Variants in LYST observed in about 807,000 individuals in gnomAD.
LYST encodes the protein lysosomal trafficking regulator.
In LYST, 192 loss-of-function variants were observed where a neutral mutation model predicts 413.6. The ratio of observed to expected loss-of-function variants is 0.46; its 90% CI spans 0.41 to 0.52. The LOEUF (loss-of-function observed/expected upper bound fraction) is 0.52. LYST is among the 20% of genes least tolerant of loss of function. The pLI is 0.00. For synonymous variants in LYST, 1,525 were observed against 1,567.3 expected, an observed-to-expected ratio of 0.97 and a Z score of 0.64; for missense variants, 3,815 against 4,499.9, an observed-to-expected ratio of 0.85 and a Z score of 4.35.
In LYST at chr1:235,741,521, C is replaced by A. The variant is rs116017878; in HGVS notation, c.8259G>T (p.Ser2753=). The A allele has an allele frequency of 3.1e-6, 5 of 1,613,864 alleles. No homozygotes were observed. The East Asian group carries it at 6.7e-5, about 22-fold the overall frequency. The part of the protein sequence containing the change: ...QLGRLLVHIL[S]PAHAAQERKQ... ...TTCTCTCTTGTGCAGCGTGGGCTGGCGACAAAATATGCACTAGTAGTCTCC... is the reference window on the plus strand; with the variant it reads ...TTCTCTCTTGTGCAGCGTGGGCTGGAGACAAAATATGCACTAGTAGTCTCC... The change falls in exon 31 of 53, where the codon TCG becomes TCT. Residue 2753 remains serine, a synonymous_variant. Transcript: ENST00000389793.
intron 3 of LYST, chr1:235,829,270 A>G (rs1403284219): frequency 6.6e-6 from 1 of 152,208 alleles, no homozygotes; most frequent in Non-Finnish European, 1.5e-5. Context: ...CCTAATTTGT[A>G]TTTGCTATGT....
rs148101450 is a variant in LYST at position 235,695,629 on chromosome 1, A to ATTTTTTTTTTT, written c.10564+1443_10564+1453dup. ...CAGAGAGAAACTTTACAGTACTCTA[A>ATTTTTTTTTTT]TTTTTTTTTTTTTTTTTTTTTGAGA... is the stretch of plus-strand genomic sequence containing the variant. On this transcript the variant is annotated intron_variant, in intron 46 of 52. Transcript: ENST00000389793. 2.0e-3 allele frequency among the ~76,000 whole-genome samples: 237 copies of ATTTTTTTTTTT among 116,370 alleles called. 1 individual carries two copies. The highest frequency in any genetic ancestry group is 7.9e-3 in the African/African-American group (233 of 29,496). 76.3% of individuals were successfully genotyped at this position (116,370 alleles called of 152,430 possible).
At chr1:235,765,970 A>T in intron 21 of LYST, 109 bp downstream of exon 21, 1 of 875,568 alleles carries the variant, frequency 1.1e-6, no homozygotes, top group Non-Finnish European at 2.0e-6. Context: ...CCCAATATGT[A>T]ATTAGAGCAG....
rs543018847 is a variant in LYST at position 235,738,866 on chromosome 1, T to C, written c.8358+2556A>G. On this transcript the variant is annotated intron_variant, in intron 31 of 52. Coordinates refer to ENST00000389793, the MANE Select transcript of LYST (RefSeq NM_000081.4). Reference sequence around the variant, plus strand: ...AGGATGATGTCTTCCTTAGCATTCCTTGCATCTTGGGAGAGAATGGAATCT... The same window carrying C: ...AGGATGATGTCTTCCTTAGCATTCCCTGCATCTTGGGAGAGAATGGAATCT... The C allele has an allele frequency of 4.0e-6, 3 of 758,914 alleles. No individual in the cohort carries two copies. In the East Asian group the frequency reaches 7.4e-5, roughly 19 times the overall value. The allele number at this position is 758,914 out of a possible 1,614,324, so 47.0% of individuals were successfully genotyped here.
rs757194359 is a variant in LYST, at chr1:235,664,616, C to T, written c.11044G>A (p.Gly3682Arg). The change falls in exon 51 of 53, where the codon GGA becomes AGA. Residue 3682 changes from glycine to arginine, a missense_variant. Coordinates refer to ENST00000389793, the MANE Select transcript of LYST (RefSeq NM_000081.4). This position sits in a 1 kb window ranked among gnomAD's most constrained non-coding sequence, Gnocchi z 4.5. ...GTCCAGAGTCTGAGGTCACTGCCTC[C>T]GCCAGCTAAAACACCCAAATCATCC... ...DIATVCDSAGGGSDLRLWTVN... is the reference protein window; with the variant it reads ...DIATVCDSAGRGSDLRLWTVN... 1.1e-5 allele frequency: 18 copies of T among 1,613,976 alleles called. No homozygotes were observed. Among genetic ancestry groups the T allele is most frequent in the East Asian group, 2.2e-5 (1 of 44,894 alleles).
chr1:235,812,586 A>G (rs953270003), intron 4 of LYST, among the ~76,000 whole-genome samples: 1 of 152,162 alleles, frequency 6.6e-6, no homozygotes, highest in African/African-American at 2.4e-5. Flanking sequence ...AGTCACTTAT[A>G]GAATACTGGT....
chr1:235,784,638 T>A (rs1453922286), intron 14 of LYST, among the ~76,000 whole-genome samples: 2 of 152,192 alleles, frequency 1.3e-5, no homozygotes, highest in Admixed American at 6.5e-5. Context: ...AAAATTGGGA[T>A]AATAATATAC....
rs779652586 is a variant in LYST, at chr1:235,734,677, AT to A, written c.8359-19del. 40 of 1,545,160 alleles carry A rather than the reference AT, an allele frequency of 2.6e-5. No homozygotes were observed. In the Admixed American group the frequency reaches 6.7e-4, roughly 26 times the overall value. ...GCTCCATGCTTTAAAAAAAGTAATA[AT>A]TTTTTAGTCATTTAGAATTTTAATT... On this transcript the variant is annotated intron_variant, in intron 31 of 52. Transcript: ENST00000389793.
Position 235,762,607 on chromosome 1 carries a change from T to C in LYST, c.6253+113A>G, listed in dbSNP as rs562985846. On this transcript the variant is annotated intron_variant, in intron 22 of 52. Coordinates refer to ENST00000389793, the MANE Select transcript of LYST (RefSeq NM_000081.4). ...GAGGACCTGTGCTGGGTGTCTCTTG[T>C]TAGATTGAATGAGGTTGTACTACAT... 1.4e-5 allele frequency: 15 copies of C among 1,072,310 alleles called. 1 individual carries two copies. In the South Asian group the frequency reaches 2.0e-4, roughly 14 times the overall value. 66.4% of individuals were successfully genotyped at this position (1,072,310 alleles called of 1,614,324 possible). A position where few individuals can be genotyped will look rare whatever the true frequency, so the allele number is the denominator to read the frequency against.
intron 3 of LYST, among the ~76,000 whole-genome samples, chr1:235,816,215 G>A (rs1674060248): frequency 6.8e-6 from 1 of 147,926 alleles, no homozygotes; most frequent in African/African-American, 2.5e-5. Context: ...GCCAAGGCAG[G>A]TAGATCACAA....
chr1:235,701,248 A>G (rs1661521200), intron 45 of LYST, among the ~76,000 whole-genome samples: 1 of 152,234 alleles, frequency 6.6e-6, no homozygotes, highest in South Asian at 2.1e-4. Context: ...TACAACTTTA[A>G]CAGCTAACGA....
chr1:235,834,420 A>G (rs989609061), intron 1 of LYST, among the ~76,000 whole-genome samples: 8 of 152,112 alleles, frequency 5.3e-5, no homozygotes, highest in African/African-American at 1.9e-4. Flanking sequence ...TTAAAAAAAA[A>G]TGAGATGGGG....
At chr1:235,858,534 T>C (rs577050316) in intron 1 of LYST, among the ~76,000 whole-genome samples, 4 of 152,358 alleles carry the variant, frequency 2.6e-5, no homozygotes, top group African/African-American at 7.2e-5. Context: ...AATTTTTCCA[T>C]CTCTAGTACT....
intron 3 of LYST, chr1:235,829,973 A>G (rs1353264082): frequency 1.1e-5 from 4 of 353,454 alleles, no homozygotes; most frequent in African/African-American, 8.5e-5. Context: ...CACTGATATT[A>G]CGATAAAAAG....
chr1:235,687,124 G>T, intron 47 of LYST, 77 bp from the exon 48 acceptor site: 3 of 1,027,228 alleles, frequency 2.9e-6, no homozygotes, highest in Admixed American at 4.0e-5. Context: ...TAAAATAAAA[G>T]AATGAAAAAT....
intron 47 of LYST, among the ~76,000 whole-genome samples, chr1:235,691,947 C>A (rs1339692526): frequency 6.6e-6 from 1 of 151,284 alleles, no homozygotes; most frequent in Non-Finnish European, 1.5e-5. Flanking sequence ...ATCCCCGCAC[C>A]TTGGCCTCCC....
At position 235,686,335 on chromosome 1, in the gene LYST, C is replaced by G. The variant is rs1660219971; in HGVS notation, c.10800+614G>C. ...TGAGCTGAGATTGTGCCATTGCATT[C>G]CAGCTTAGGCAAGAGAGGGAGGTTC... On this transcript the variant is annotated intron_variant, in intron 48 of 52. Coordinates refer to ENST00000389793, the MANE Select transcript of LYST (RefSeq NM_000081.4). This position sits in a 1 kb window ranked among gnomAD's most constrained non-coding sequence, Gnocchi z 4.0. Among the ~76,000 whole-genome samples the G allele has an allele frequency of 6.6e-6, 1 of 152,136 alleles. No homozygotes were observed. Among genetic ancestry groups the G allele is most frequent in the Non-Finnish European group, 1.5e-5 (1 of 68,026 alleles).
intron 42 of LYST, among the ~76,000 whole-genome samples, chr1:235,713,878 T>A (rs985766463): frequency 6.6e-6 from 1 of 152,152 alleles, no homozygotes; most frequent in Non-Finnish European, 1.5e-5. Context: ...CATAAATACA[T>A]AATGAAGAAA....
rs111463684 is a variant in LYST at position 235,806,436 on chromosome 1, T to C, written c.2700A>G (p.Leu900=). 155 of 1,614,042 alleles carry C rather than the reference T, an allele frequency of 9.6e-5. 1 individual carries two copies. Among genetic ancestry groups the C allele is most frequent in the East Asian group, 2.2e-4 (10 of 44,866 alleles). ...NQDVHINTIN[L]FLCVAFLCVS... is the part of the protein sequence containing the mutation. ...CGCATAAAAAAGCCACACAGAGGAA[T>C]AGGTTTATTGTGTTGATATGAACAT... is the stretch of plus-strand genomic sequence containing the variant. The change falls in exon 6 of 53, where the codon CTA becomes CTG. Residue 900 remains leucine (L), a synonymous_variant. Transcript: ENST00000389793.
Sources: gnomAD v4.1 joint callset for allele counts (sites outside exome capture counted in the v4.1 genomes callset) on GRCh38, gnomAD v4.1.1 for gene constraint, Gnocchi (gnomAD v3.1) non-coding constraint, MANE v1.5 for transcripts, NCBI Gene and HGNC (gene_info 2026-07-23, HGNC 2026-07-21) for gene names.